DTWD2: variants seen among roughly 807,000 people sequenced by gnomAD.
DTWD2 encodes the protein tRNA-uridine aminocarboxypropyltransferase 2.
A neutral mutation model predicts 31.8 loss-of-function variants in DTWD2; 39 were observed. The ratio of observed to expected loss-of-function variants is 1.22; its 90% CI spans 0.95 to 1.60. The LOEUF (loss-of-function observed/expected upper bound fraction) is 1.60, where lower values mean the gene tolerates loss of function less well. Ranked by LOEUF, DTWD2 falls within the 40% of genes most tolerant of loss-of-function variation. The pLI is 0.00. For missense variants in DTWD2, 515 were observed against 381.5 expected, an observed-to-expected ratio of 1.35 and a Z score of -2.92; for synonymous variants, 180 against 142.8, an observed-to-expected ratio of 1.26 and a Z score of -1.86.
intron 4 of DTWD2, among the ~76,000 whole-genome samples, chr5:118,915,793 C>T (rs1561453991): frequency 6.6e-6 from 1 of 152,198 alleles, no homozygotes; most frequent in Non-Finnish European, 1.5e-5. Context: ...GAGTAAGTGG[C>T]TGATGGTTTT....
intron 4 of DTWD2, among the ~76,000 whole-genome samples, chr5:118,864,726 G>T (rs1752345467): frequency 6.6e-6 from 1 of 151,284 alleles, no homozygotes; most frequent in African/African-American, 2.4e-5. Context: ...TGGCAAAACA[G>T]AAACGGATGC....
chr5:118,928,126 TA>T (rs1434161148), intron 4 of DTWD2, among the ~76,000 whole-genome samples: 2 of 152,030 alleles, frequency 1.3e-5, no homozygotes, highest in Admixed American at 1.3e-4. Context: ...AAGTATTTAA[TA>T]AAAACTTAGT....
chr5:118,934,272 TAAAAAAAAAA>T (rs397999089), intron 3 of DTWD2, among the ~76,000 whole-genome samples: 8,442 of 23,752 alleles, frequency 0.36, 300 homozygotes, highest in South Asian at 0.43. Flanking sequence ...TTGTCTCCAT[TAAAAAAAAAA>T]AAAAAAAAAA....
chr5:118,909,216 A>G (rs1029462237), intron 4 of DTWD2, among the ~76,000 whole-genome samples: 1 of 152,236 alleles, frequency 6.6e-6, no homozygotes, highest in African/African-American at 2.4e-5. Context: ...CATCAACCAC[A>G]TGGCAGGTTG....
intron 1 of DTWD2, among the ~76,000 whole-genome samples, chr5:118,963,772 C>A (rs1453536799): frequency 1.3e-5 from 2 of 152,240 alleles, no homozygotes; most frequent in Non-Finnish European, 2.9e-5. Context: ...GGGTCCCTCC[C>A]ACCTCTGCAC....
chr5:118,856,610 T>C (rs1188714643), intron 4 of DTWD2, among the ~76,000 whole-genome samples: 1 of 152,190 alleles, frequency 6.6e-6, no homozygotes, highest in Non-Finnish European at 1.5e-5. Context: ...CCATCAGTTC[T>C]GAATAAGAGT....
intron 5 of DTWD2, among the ~76,000 whole-genome samples, chr5:118,844,134 CATCTT>C (rs1386432132): frequency 6.6e-6 from 1 of 152,174 alleles, no homozygotes; most frequent in Non-Finnish European, 1.5e-5. Context: ...AAACTTTTGT[CATCTT>C]ATCTGATTTC....
rs75744913 is a variant in DTWD2, at chr5:118,966,660, G to A, written c.218+21634C>T. On this transcript the variant is annotated intron_variant, in intron 1 of 5. Transcript: ENST00000510708. ...GAATGATACCTAAGTTAATTAAACTGATAAAAGTTATCACTATCAAAATCC... is the reference window on the plus strand; with the variant it reads ...GAATGATACCTAAGTTAATTAAACTAATAAAAGTTATCACTATCAAAATCC... Among the ~76,000 whole-genome samples the A allele has an allele frequency of 6.7e-3, 1,020 of 152,218 alleles. 15 individuals carry two copies. Among genetic ancestry groups the A allele is most frequent in the African/African-American group, 0.023 (951 of 41,522 alleles).
chr5:118,890,810 C>A (rs1752962972), intron 4 of DTWD2, among the ~76,000 whole-genome samples: 1 of 152,072 alleles, frequency 6.6e-6, no homozygotes. Context: ...ACCTTGTGAT[C>A]CACCCACCTC....
chr5:118,863,900 T>C (rs941222474), intron 4 of DTWD2, among the ~76,000 whole-genome samples: 7 of 151,756 alleles, frequency 4.6e-5, no homozygotes, highest in Admixed American at 1.3e-4. Context: ...AATAAAAGGG[T>C]TGAACCCATG....
At chr5:118,940,277 G>T (rs1234702971) in intron 2 of DTWD2, among the ~76,000 whole-genome samples, 1 of 152,120 alleles carries the variant, frequency 6.6e-6, no homozygotes, top group Non-Finnish European at 1.5e-5. Flanking sequence ...CGCCTTAGGT[G>T]GTTTTAGGAC....
intron 2 of DTWD2, among the ~76,000 whole-genome samples, chr5:118,940,409 G>A (rs966631151): frequency 6.6e-6 from 1 of 152,076 alleles, no homozygotes; most frequent in African/African-American, 2.4e-5. Flanking sequence ...AAATTAAATA[G>A]TGCCATAAGA....
chr5:118,975,104 T>C (rs565144491), intron 1 of DTWD2, among the ~76,000 whole-genome samples: 118 of 152,326 alleles, frequency 7.7e-4, no homozygotes, highest in Middle Eastern at 3.4e-3. Flanking sequence ...TCCTGGATAA[T>C]ATCCTGAAGA....
chr5:118,926,300 T>C (rs1274488059), intron 4 of DTWD2, among the ~76,000 whole-genome samples: 1 of 152,132 alleles, frequency 6.6e-6, no homozygotes, highest in African/African-American at 2.4e-5. Context: ...AACCCAGGAA[T>C]GGAAAACCAA....
chr5:118,844,311 T>A (rs1751796226), intron 5 of DTWD2, among the ~76,000 whole-genome samples: 1 of 152,188 alleles, frequency 6.6e-6, no homozygotes, highest in South Asian at 2.1e-4. Context: ...TCTTTAAAAA[T>A]TCCTATGATA....
At chr5:118,847,051 A>G (rs1375461383) in intron 5 of DTWD2, among the ~76,000 whole-genome samples, 1 of 152,078 alleles carries the variant, frequency 6.6e-6, no homozygotes, top group African/African-American at 2.4e-5. Flanking sequence ...GGAGAGGAAA[A>G]AAGTAATTCA....
intron 4 of DTWD2, among the ~76,000 whole-genome samples, chr5:118,916,401 C>T (rs532099242): frequency 6.6e-6 from 1 of 152,126 alleles, no homozygotes; most frequent in African/African-American, 2.4e-5. Flanking sequence ...TGCAGTGGCT[C>T]ATGTCTGTGA....
chr5:118,935,857 T>C (rs558901121), intron 3 of DTWD2, among the ~76,000 whole-genome samples: 1 of 152,142 alleles, frequency 6.6e-6, no homozygotes, highest in African/African-American at 2.4e-5. Context: ...TCAGTCAAAA[T>C]ACAGAAGATT....
intron 4 of DTWD2, among the ~76,000 whole-genome samples, chr5:118,898,905 T>A (rs535400551): frequency 6.6e-6 from 1 of 152,310 alleles, no homozygotes; most frequent in South Asian, 2.1e-4. Context: ...CTAGCAGCTA[T>A]GTATTTAGAT....
Sources: gnomAD v4.1 joint callset for allele counts (sites outside exome capture counted in the v4.1 genomes callset) on GRCh38, gnomAD v4.1.1 for gene constraint, MANE v1.5 for transcripts, NCBI Gene and HGNC (gene_info 2026-07-23, HGNC 2026-07-21) for gene names.